KCNIP4: variants seen among roughly 807,000 people sequenced by gnomAD.
KCNIP4 encodes the protein potassium voltage-gated channel interacting protein 4, also known as Kv channel-interacting protein 4.
KCNIP4 carries 12 observed loss-of-function variants against 34.0 expected under a neutral mutation model. The observed-to-expected ratio is 0.35, with a 90% CI of 0.23 to 0.57. KCNIP4 has a LOEUF of 0.57. Among genes scored for constraint, KCNIP4 ranks in the 20% least tolerant of loss-of-function variants. KCNIP4 has a pLI of 0.83. For synonymous variants in KCNIP4, 124 were observed against 102.2 expected, an observed-to-expected ratio of 1.21 and a Z score of -1.29; for missense variants, 238 against 311.7, an observed-to-expected ratio of 0.76 and a Z score of 1.78.
intron 1 of KCNIP4, among the ~76,000 whole-genome samples, chr4:20,989,771 C>T (rs956981983): frequency 6.6e-6 from 1 of 151,988 alleles, no homozygotes; most frequent in African/African-American, 2.4e-5. Context: ...AAGTTCAAGA[C>T]CAGCCCGGGC....
chr4:20,895,354 G>A (rs1054727608), intron 1 of KCNIP4, among the ~76,000 whole-genome samples: 9 of 151,996 alleles, frequency 5.9e-5, no homozygotes, highest in African/African-American at 2.2e-4. Flanking sequence ...CAAATTCCTG[G>A]TGGTATTAAA....
intron 1 of KCNIP4, among the ~76,000 whole-genome samples, chr4:21,880,979 C>T (rs1038107795): frequency 3.3e-5 from 5 of 152,098 alleles, no homozygotes; most frequent in African/African-American, 9.7e-5. Context: ...TCTTCCTTTC[C>T]CAAGAATACC....
At chr4:20,947,411 C>T (rs1732301112) in intron 1 of KCNIP4, among the ~76,000 whole-genome samples, 1 of 152,024 alleles carries the variant, frequency 6.6e-6, no homozygotes, top group Admixed American at 6.6e-5. Flanking sequence ...TCATGTGGTC[C>T]ACCTGCCTCG....
chr4:21,762,349 T>G (rs1278261498), intron 1 of KCNIP4, among the ~76,000 whole-genome samples: 1 of 152,196 alleles, frequency 6.6e-6, no homozygotes, highest in Non-Finnish European at 1.5e-5. Flanking sequence ...TAGCCATATG[T>G]GGCTTGTGAC....
At chr4:20,742,923 TAGAC>T (rs1751499192) in intron 5 of KCNIP4, among the ~76,000 whole-genome samples, 2 of 151,874 alleles carry the variant, frequency 1.3e-5, no homozygotes. Context: ...ACACCAATAA[TAGAC>T]AAACAGAGCC....
chr4:21,156,124 G>T (rs894531820), intron 1 of KCNIP4, among the ~76,000 whole-genome samples: 2 of 152,102 alleles, frequency 1.3e-5, no homozygotes, highest in Non-Finnish European at 2.9e-5. Context: ...TAAGAGCATG[G>T]TATTTGACAG....
intron 1 of KCNIP4, among the ~76,000 whole-genome samples, chr4:21,663,442 C>G (rs146209222): frequency 6.6e-6 from 1 of 152,096 alleles, no homozygotes; most frequent in Admixed American, 6.6e-5. Context: ...TTGGGAGCAC[C>G]GTGCTATGAC....
intron 1 of KCNIP4, among the ~76,000 whole-genome samples, chr4:21,071,142 G>T (rs1402813157): frequency 6.6e-6 from 1 of 152,010 alleles, no homozygotes; most frequent in Admixed American, 6.6e-5. Flanking sequence ...ATTTTTTCTT[G>T]TATGGATCAT....
At chr4:21,767,392 G>T (rs1332522372) in intron 1 of KCNIP4, among the ~76,000 whole-genome samples, 1 of 151,942 alleles carries the variant, frequency 6.6e-6, no homozygotes, top group Non-Finnish European at 1.5e-5. Context: ...TTGACTCAGG[G>T]ATGTGGGGTG....
intron 1 of KCNIP4, among the ~76,000 whole-genome samples, chr4:21,538,539 T>A (rs1371591492): frequency 6.6e-6 from 1 of 152,166 alleles, no homozygotes; most frequent in African/African-American, 2.4e-5. Flanking sequence ...CTTCTCATCC[T>A]CCTCTTCCTC....
intron 1 of KCNIP4, among the ~76,000 whole-genome samples, chr4:21,086,907 C>T (rs1746485180): frequency 6.6e-6 from 1 of 150,784 alleles, no homozygotes; most frequent in African/African-American, 2.4e-5. Context: ...CTTTCTCCCT[C>T]TCTTTCCCTC....
intron 1 of KCNIP4, among the ~76,000 whole-genome samples, chr4:21,075,151 G>A (rs1745362140): frequency 6.6e-6 from 1 of 152,140 alleles, no homozygotes; most frequent in African/African-American, 2.4e-5. Context: ...ATGTCTATTA[G>A]GTCCGCTTGG....
chr4:21,435,987 A>T (rs1158922618), intron 1 of KCNIP4, among the ~76,000 whole-genome samples: 3 of 152,190 alleles, frequency 2.0e-5, no homozygotes, highest in African/African-American at 7.2e-5. Flanking sequence ...AGGAGGAAAC[A>T]GCGAGCTCCC....
chr4:20,977,816 T>C (rs1033755334), intron 1 of KCNIP4, among the ~76,000 whole-genome samples: 6 of 152,244 alleles, frequency 3.9e-5, no homozygotes. Context: ...AGATGTAAAA[T>C]GTCACTTATC....
At chr4:21,818,991 A>G (rs1722159783) in intron 1 of KCNIP4, among the ~76,000 whole-genome samples, 1 of 152,222 alleles carries the variant, frequency 6.6e-6, no homozygotes, top group Admixed American at 6.5e-5. Context: ...AAAATAATGG[A>G]AAATGCCTAC....
intron 2 of KCNIP4, among the ~76,000 whole-genome samples, chr4:20,879,201 C>T (rs540407846): frequency 6.6e-6 from 1 of 152,280 alleles, no homozygotes; most frequent in East Asian, 1.9e-4. Context: ...CAAGGTACTG[C>T]TGACTCTATC....
At chr4:21,270,386 C>T (rs28403122) in intron 1 of KCNIP4, among the ~76,000 whole-genome samples, 4 of 151,832 alleles carry the variant, frequency 2.6e-5, no homozygotes, top group Non-Finnish European at 4.4e-5. Flanking sequence ...CACTCAGACT[C>T]GAGGAGTGCT....
intron 3 of KCNIP4, among the ~76,000 whole-genome samples, chr4:20,805,194 T>A: frequency 7.2e-6 from 1 of 139,428 alleles, no homozygotes. Flanking sequence ...TCCTTTTTTT[T>A]TTTTTTTTTT....
chr4:20,729,079 G>T lies in KCNIP4; in HGVS notation c.*1003C>A, dbSNP rs1422344573. The T allele has an allele frequency of 1.3e-5, 2 of 151,820 alleles. No homozygotes were observed. The highest frequency in any genetic ancestry group is 2.9e-5 in the Non-Finnish European group (2 of 67,968). 9.4% of individuals were successfully genotyped at this position (151,820 alleles called of 1,614,324 possible). On this transcript the variant is annotated 3_prime_UTR_variant, in exon 9 of 9. Coordinates refer to ENST00000382152, the MANE Select transcript of KCNIP4 (RefSeq NM_025221.6). Reference sequence around the variant, plus strand: ...TGCTTGCTAATTTTGCTTGCTGTTTGTTCTTAGTAGACAGTGGGGTAGTCA... The same window carrying T: ...TGCTTGCTAATTTTGCTTGCTGTTTTTTCTTAGTAGACAGTGGGGTAGTCA...
Sources: allele counts gnomAD v4.1 joint callset (sites outside exome capture counted in the v4.1 genomes callset), GRCh38; gene constraint gnomAD v4.1.1; transcripts MANE v1.5; gene names NCBI Gene and HGNC (gene_info 2026-07-23, HGNC 2026-07-21).